Variants in NLE1 observed in about 807,000 individuals in gnomAD.
NLE1 encodes the protein notchless protein homolog 1.
A neutral mutation model predicts 62.8 loss-of-function variants in NLE1; 37 were observed. The observed-to-expected ratio is 0.59, with a 90% CI of 0.45 to 0.78. NLE1 has a LOEUF of 0.78. NLE1 is among the 30% of genes least tolerant of loss of function. The probability of loss-of-function intolerance (pLI) is 0.00; values close to 1 mark genes in which losing one functional copy is unlikely to be tolerated. For synonymous variants in NLE1, 243 were observed against 253.0 expected, an observed-to-expected ratio of 0.96 and a Z score of 0.37; for missense variants, 555 against 637.9, an observed-to-expected ratio of 0.87 and a Z score of 1.40.
chr17:35,140,061 A>T lies in NLE1; in HGVS notation c.168T>A (p.Asp56Glu), dbSNP rs1340362902. ...GGACAAAGAAAGCCAGTGGCAGGGGATCCTCCTGAAGGACAATGGTAAAGG... is the reference window on the plus strand; with the variant it reads ...GGACAAAGAAAGCCAGTGGCAGGGGTTCCTCCTGAAGGACAATGGTAAAGG... ...LVCNALLAQE[D>E]PLPLAFFVHD... Residue 56 changes from aspartate (D) to glutamate (E), a missense_variant, in exon 3 of 13, where the codon GAT becomes GAA. Coordinates refer to ENST00000442241, the MANE Select transcript of NLE1 (RefSeq NM_018096.5). 2.5e-6 allele frequency: 4 copies of T among 1,612,958 alleles called. No homozygotes were observed. Among genetic ancestry groups the T allele is most frequent in the Non-Finnish European group, 3.4e-6 (4 of 1,179,894 alleles).
rs2142498451 is a variant in NLE1, at chr17:35,132,108, C to T, written c.*329G>A. 2 of 251,956 alleles carry T rather than the reference C, an allele frequency of 7.9e-6. No individual in the cohort carries two copies. The highest frequency in any genetic ancestry group is 1.5e-5 in the Non-Finnish European group (2 of 133,010). The allele number at this position is 251,956 out of a possible 1,614,324, so 15.6% of individuals were successfully genotyped here. A position where few individuals can be genotyped will look rare whatever the true frequency, so the allele number is the denominator to read the frequency against. On this transcript the variant is annotated 3_prime_UTR_variant, in exon 13 of 13. Transcript: ENST00000442241. ...TGGTCATAGAACCTGGGATCTGACCCTGTACAGAGCTGACACTAGGGGCCC... is the reference window on the plus strand; with the variant it reads ...TGGTCATAGAACCTGGGATCTGACCTTGTACAGAGCTGACACTAGGGGCCC...
Position 35,130,040 on chromosome 17 carries a change from A to G in NLE1, c.*2397T>C, listed in dbSNP as rs2142495817. ...GAAGGGAACAGCCTGGGTATGGGGT[A>G]GGGGTATGGGGGTATAGAGGCCTGA... On this transcript the variant is annotated 3_prime_UTR_variant, in exon 13 of 13. Transcript: ENST00000442241. 3 of 1,394,870 alleles carry G rather than the reference A, an allele frequency of 2.2e-6. No individual in the cohort carries two copies. Among genetic ancestry groups the G allele is most frequent in the East Asian group, 5.3e-5 (2 of 37,560 alleles). The allele number at this position is 1,394,870 out of a possible 1,614,324, so 86.4% of individuals were successfully genotyped here.
chr17:35,136,885 G>T, intron 7 of NLE1, 116 bp downstream of exon 7: 1 of 1,003,898 alleles, frequency 1.0e-6, no homozygotes, highest in Non-Finnish European at 1.5e-6. Context: ...CTAGACCAGG[G>T]CTCCCAGCAC....
In NLE1 at chr17:35,140,072, G is replaced by C; in HGVS notation, c.163-6C>G. On this transcript the variant is annotated splice_region_variant and splice_polypyrimidine_tract_variant and intron_variant, in intron 2 of 12. Transcript: ENST00000442241. ...GCCAGTGGCAGGGGATCCTCCTGAAGGACAATGGTAAAGGACAAACCCGCA... is the reference window on the plus strand; with the variant it reads ...GCCAGTGGCAGGGGATCCTCCTGAACGACAATGGTAAAGGACAAACCCGCA... 1 of 1,612,408 alleles carries C rather than the reference G, an allele frequency of 6.2e-7. No homozygotes were observed. The highest frequency in any genetic ancestry group is 1.1e-5 in the South Asian group (1 of 90,918).
At chr17:35,140,584 G>A (rs1021605240) in intron 2 of NLE1, among the ~76,000 whole-genome samples, 2 of 101,790 alleles carry the variant, frequency 2.0e-5, no homozygotes, top group Non-Finnish European at 3.8e-5. Flanking sequence ...CACAGCACTT[G>A]GAAATTCTTT....
chr17:35,139,519 A>G (rs1404974440), intron 3 of NLE1, among the ~76,000 whole-genome samples: 3 of 152,202 alleles, frequency 2.0e-5, no homozygotes, highest in African/African-American at 7.2e-5. Flanking sequence ...GAAGCTTCTC[A>G]TTACCTTTCT....
At chr17:35,136,844 C>T (rs934210048) in intron 7 of NLE1, among the ~76,000 whole-genome samples, 157 bp downstream of exon 7, 2 of 152,160 alleles carry the variant, frequency 1.3e-5, no homozygotes, top group African/African-American at 4.8e-5. Context: ...GCAGCACCAA[C>T]CACAGAACTC....
intron 2 of NLE1, among the ~76,000 whole-genome samples, chr17:35,141,492 G>C (rs1337223224): frequency 1.4e-5 from 2 of 143,816 alleles, no homozygotes; most frequent in African/African-American, 5.4e-5. Context: ...ATTGCAGTGA[G>C]CAGAGATCAC....
rs746944922 is a variant in NLE1 at position 35,133,363 on chromosome 17, C to T, written c.1350G>A (p.Met450Ile). The T allele has an allele frequency of 6.2e-7, 1 of 1,614,190 alleles. No individual in the cohort carries two copies. The highest frequency in any genetic ancestry group is 2.2e-5 in the East Asian group (1 of 44,868). The change falls in exon 11 of 13, where the codon ATG becomes ATA. Residue 450 changes from methionine to isoleucine, a missense_variant. Transcript: ENST00000442241. ...VWDVKAQKLAMDLPGHADEVY... is the reference protein window; with the variant it reads ...VWDVKAQKLAIDLPGHADEVY... ...CCTCATCCGCGTGGCCGGGCAGGTC[C>T]ATGGCCAGCTTCTGGGCCTTCACAT...
intron 2 of NLE1, among the ~76,000 whole-genome samples, chr17:35,141,286 G>A (rs970506412): frequency 8.6e-5 from 13 of 151,360 alleles, no homozygotes; most frequent in African/African-American, 2.9e-4. Flanking sequence ...GGTGGCTCAC[G>A]CCAGTAATCC....
At position 35,142,108 on chromosome 17, in the gene NLE1, C is replaced by T; in HGVS notation, c.33G>A (p.Ala11=). The T allele has an allele frequency of 6.2e-7, 1 of 1,611,768 alleles. No individual in the cohort carries two copies. The highest frequency in any genetic ancestry group is 1.1e-5 in the South Asian group (1 of 91,060). MAAAVPDEAV[A]RDVQRLLVQF... is the part of the protein sequence containing the mutation. Reference sequence around the variant, plus strand: ...GCACTAGCAACCGCTGCACATCGCGCGCCACCGCCTCGTCCTGCGCGAGCA... The same window carrying T: ...GCACTAGCAACCGCTGCACATCGCGTGCCACCGCCTCGTCCTGCGCGAGCA... Residue 11 remains alanine, a synonymous_variant, in exon 2 of 13, where the codon GCG becomes GCA. Coordinates refer to ENST00000442241, the MANE Select transcript of NLE1 (RefSeq NM_018096.5).
chr17:35,137,739 C>G, intron 5 of NLE1, 75 bp downstream of exon 5: 1 of 822,150 alleles, frequency 1.2e-6, no homozygotes, highest in East Asian at 4.2e-5. Flanking sequence ...CCCAAAGACT[C>G]CTGAACCTGA....
At position 35,129,953 on chromosome 17, in the gene NLE1, TA is replaced by T. The variant is rs2091866425; in HGVS notation, c.*2483del. The T allele has an allele frequency of 7.3e-7, 1 of 1,368,688 alleles. No individual in the cohort carries two copies. Among genetic ancestry groups the T allele is most frequent in the East Asian group, 2.8e-5 (1 of 35,672 alleles). The allele number at this position is 1,368,688 out of a possible 1,614,324, so 84.8% of individuals were successfully genotyped here. A position where few individuals can be genotyped will look rare whatever the true frequency, so the allele number is the denominator to read the frequency against. ...GCAATTCAGTGCCCATGATTGTGAG[TA>T]GGCTGGGAAGTCAAGGGCATTGAAA... On this transcript the variant is annotated 3_prime_UTR_variant, in exon 13 of 13. Coordinates refer to ENST00000442241, the MANE Select transcript of NLE1 (RefSeq NM_018096.5).
intron 4 of NLE1, 72 bp downstream of exon 4, chr17:35,139,163 A>G (rs1021524682): frequency 7.4e-7 from 1 of 1,360,526 alleles, no homozygotes; most frequent in African/African-American, 1.4e-5. Flanking sequence ...ACTGTACTCC[A>G]TCCTGGTCAA....
In NLE1 at chr17:35,130,172, T is replaced by C; in HGVS notation, c.*2265A>G. On this transcript the variant is annotated 3_prime_UTR_variant, in exon 13 of 13. Coordinates refer to ENST00000442241, the MANE Select transcript of NLE1 (RefSeq NM_018096.5). Reference sequence around the variant, plus strand: ...CGTCAATGGCTAGGTTGGATAAGGCTGTTTAAGGTCTGAGTCAGCAGACAG... The same window carrying C: ...CGTCAATGGCTAGGTTGGATAAGGCCGTTTAAGGTCTGAGTCAGCAGACAG... 1.3e-6 allele frequency: 2 copies of C among 1,491,080 alleles called. No homozygotes were observed. Among genetic ancestry groups the C allele is most frequent in the Non-Finnish European group, 1.8e-6 (2 of 1,123,444 alleles). 92.4% of individuals were successfully genotyped at this position (1,491,080 alleles called of 1,614,324 possible). A position where few individuals can be genotyped will look rare whatever the true frequency, so the allele number is the denominator to read the frequency against.
At position 35,132,438 on chromosome 17, in the gene NLE1, CAT is replaced by C. The variant is rs759287572; in HGVS notation, c.1455_1456del (p.Ter486ArgfsTer40). ...GGTCAGAGAGAACTTCGGGCCGTCTCATCTCCTCCATCTGTGGAGAAGGGAAG... is the reference window on the plus strand; with the variant it reads ...GGTCAGAGAGAACTTCGGGCCGTCTCCTCCTCCATCTGTGGAGAAGGGAAG... On this transcript the variant is annotated frameshift_variant and stop_lost, in exon 13 of 13. Coordinates refer to ENST00000442241, the MANE Select transcript of NLE1 (RefSeq NM_018096.5). LOFTEE classifies it high-confidence loss of function. 23 of 1,423,630 alleles carry C rather than the reference CAT, an allele frequency of 1.6e-5. No individual in the cohort carries two copies. The highest frequency in any genetic ancestry group is 2.0e-5 in the Non-Finnish European group (22 of 1,085,858). The allele number at this position is 1,423,630 out of a possible 1,614,324, so 88.2% of individuals were successfully genotyped here.
In NLE1 at chr17:35,132,162, C is replaced by T; in HGVS notation, c.*275G>A. Reference sequence around the variant, plus strand: ...CATAGAGCCTGGCTGCCCACCACCCCTGTCTGTACCAGCAAGGTACAGAGT... The same window carrying T: ...CATAGAGCCTGGCTGCCCACCACCCTTGTCTGTACCAGCAAGGTACAGAGT... On this transcript the variant is annotated 3_prime_UTR_variant, in exon 13 of 13. Transcript: ENST00000442241. 3.1e-6 allele frequency: 1 copy of T among 318,842 alleles called. No homozygotes were observed. Among genetic ancestry groups the T allele is most frequent in the Middle Eastern group, 8.2e-4 (1 of 1,222 alleles). The allele number at this position is 318,842 out of a possible 1,614,324, so 19.8% of individuals were successfully genotyped here. A position where few individuals can be genotyped will look rare whatever the true frequency, so the allele number is the denominator to read the frequency against.
intron 9 of NLE1, among the ~76,000 whole-genome samples, chr17:35,135,760 T>C (rs907439109): frequency 6.6e-6 from 1 of 152,208 alleles, no homozygotes; most frequent in African/African-American, 2.4e-5. Context: ...TGTGTGTGCT[T>C]ATACATATAT....
At chr17:35,133,058 T>C (rs2091886599) in intron 12 of NLE1, 113 bp downstream of exon 12, 1 of 1,059,416 alleles carries the variant, frequency 9.4e-7, no homozygotes, top group African/African-American at 1.6e-5. Context: ...CTCAAGACAG[T>C]CTGAGCACCT....
Sources: gnomAD v4.1 joint callset for allele counts (sites outside exome capture counted in the v4.1 genomes callset) on GRCh38, gnomAD v4.1.1 for gene constraint, MANE v1.5 for transcripts, NCBI Gene and HGNC (gene_info 2026-07-23, HGNC 2026-07-21) for gene names.